CR1L: variants seen among roughly 807,000 people sequenced by gnomAD.
CR1L encodes the protein complement C3b/C4b receptor 1 like.
Under a neutral mutation model 62.3 loss-of-function variants are expected in CR1L, and 59 were observed. The observed-to-expected ratio is 0.95, with a 90% CI of 0.77 to 1.18. The LOEUF (loss-of-function observed/expected upper bound fraction) is 1.18. CR1L is among the 50% of genes most tolerant of loss of function. The probability of loss-of-function intolerance (pLI) is 0.00; values close to 1 mark genes in which losing one functional copy is unlikely to be tolerated. For missense variants in CR1L, 700 were observed against 702.8 expected, an observed-to-expected ratio of 1.00 and a Z score of 0.04; for synonymous variants, 279 against 248.7, an observed-to-expected ratio of 1.12 and a Z score of -1.15.
chr1:207,714,154 G>T (rs751780361), intron 10 of CR1L, among the ~76,000 whole-genome samples: 12 of 152,220 alleles, frequency 7.9e-5, no homozygotes, highest in Non-Finnish European at 1.8e-4. Flanking sequence ...CAGCAGAGAA[G>T]AGACACAAGG....
At chr1:207,681,400 G>A (rs747965375) in intron 3 of CR1L, among the ~76,000 whole-genome samples, 3 of 152,246 alleles carry the variant, frequency 2.0e-5, no homozygotes, top group Non-Finnish European at 4.4e-5. Flanking sequence ...AAATGGATAT[G>A]AGAGTCCCTG....
intron 1 of CR1L, chr1:207,657,549 T>G: frequency 3.8e-6 from 1 of 266,132 alleles, no homozygotes; most frequent in Non-Finnish European, 7.0e-6. Context: ...TGAACTACTG[T>G]GTAATCTGCA....
At chr1:207,702,399 T>C (rs1664207275) in intron 9 of CR1L, among the ~76,000 whole-genome samples, 1 of 152,180 alleles carries the variant, frequency 6.6e-6, no homozygotes, top group South Asian at 2.1e-4. Flanking sequence ...ATGAGGCCAA[T>C]TAATAGCCCT....
At position 207,717,520 on chromosome 1, in the gene CR1L, C is replaced by T. The variant is rs767950965; in HGVS notation, c.1471C>T (p.Leu491Phe). 6.9e-5 allele frequency: 112 copies of T among 1,613,598 alleles called. No individual in the cohort carries two copies. In the African/African-American group the frequency reaches 7.6e-4, roughly 11 times the overall value. ...TAATGGGAGACACACAGGAACTCCC[C>T]TTGGAGATATTCCCTATGGAAAAGA... Reference protein sequence around the residue: ...ILNGRHTGTPLGDIPYGKEVS... With the variant: ...ILNGRHTGTPFGDIPYGKEVS... The change falls in exon 11 of 12, where the codon CTT becomes TTT. Residue 491 changes from leucine to phenylalanine, a missense_variant. Physicochemically the swap from Leu to Phe is conservative, Grantham distance 22 (BLOSUM62 0). Transcript: ENST00000508064.
chr1:207,667,534 G>T (rs1663541528), intron 1 of CR1L, among the ~76,000 whole-genome samples: 2 of 152,180 alleles, frequency 1.3e-5, no homozygotes, highest in South Asian at 4.1e-4. Flanking sequence ...CAACTGCAAA[G>T]TCCTAAACTG....
chr1:207,675,015 G>C (rs1408689424), intron 1 of CR1L, among the ~76,000 whole-genome samples: 1 of 151,884 alleles, frequency 6.6e-6, no homozygotes, highest in East Asian at 1.9e-4. Context: ...TTTTTTTTAA[G>C]TTTTATAAGT....
intron 1 of CR1L, among the ~76,000 whole-genome samples, chr1:207,662,018 G>A (rs945940981): frequency 6.6e-6 from 1 of 152,234 alleles, no homozygotes; most frequent in Non-Finnish European, 1.5e-5. Context: ...GAGATCCGCT[G>A]TTAGTCTGAT....
intron 9 of CR1L, among the ~76,000 whole-genome samples, chr1:207,707,348 C>T (rs997739683): frequency 2.0e-5 from 3 of 152,218 alleles, no homozygotes; most frequent in Non-Finnish European, 2.9e-5. Context: ...TATGACAAGG[C>T]CGAGCACAGT....
intron 1 of CR1L, among the ~76,000 whole-genome samples, chr1:207,659,759 GCTGTGAGTGA>G (rs1056777447): frequency 2.6e-4 from 40 of 152,340 alleles, no homozygotes; most frequent in African/African-American, 9.6e-4. Context: ...GCCAGGGAAA[GCTGTGAGTGA>G]CTGCCTGGAA....
At chr1:207,711,996 A>G (rs1464068617) in intron 10 of CR1L, among the ~76,000 whole-genome samples, 4 of 152,166 alleles carry the variant, frequency 2.6e-5, no homozygotes, top group African/African-American at 9.7e-5. Context: ...CCAGGAGCTC[A>G]TATGTTGCTG....
At chr1:207,698,280 A>C (rs1664137117) in intron 7 of CR1L, among the ~76,000 whole-genome samples, 1 of 152,234 alleles carries the variant, frequency 6.6e-6, no homozygotes, top group Admixed American at 6.5e-5. Context: ...AGGATCATTT[A>C]AGAATCATTT....
chr1:207,680,625 C>T (rs553569941), intron 3 of CR1L, among the ~76,000 whole-genome samples: 15 of 152,142 alleles, frequency 9.9e-5, no homozygotes, highest in Admixed American at 9.2e-4. Context: ...TTAAATCATT[C>T]GAACTTAAAA....
chr1:207,696,225 G>T (rs1451107810), intron 5 of CR1L, among the ~76,000 whole-genome samples: 7 of 152,220 alleles, frequency 4.6e-5, no homozygotes, highest in Non-Finnish European at 1.0e-4. Context: ...CTGCCAGAAT[G>T]CAGCTGATAT....
chr1:207,694,510 C>T lies in CR1L; in HGVS notation c.621C>T (p.Cys207=). The change falls in exon 5 of 12, where the codon TGC becomes TGT. Residue 207 remains cysteine, a synonymous_variant. Coordinates refer to ENST00000508064, the MANE Select transcript of CR1L (RefSeq NM_175710.2). ...TTGTGGGTGAGCCCTCCATATACTG[C>T]ACCAGCAAAGATGATCAAGTGGGCA... The part of the protein sequence containing the change: ...FELVGEPSIY[C]TSKDDQVGIW... The T allele has an allele frequency of 1.9e-6, 3 of 1,613,688 alleles. No individual in the cohort carries two copies. Among genetic ancestry groups the T allele is most frequent in the Non-Finnish European group, 1.7e-6 (2 of 1,179,876 alleles).
intron 1 of CR1L, chr1:207,652,747 A>C (rs983317772): frequency 9.5e-6 from 7 of 736,544 alleles, no homozygotes; most frequent in South Asian, 2.9e-5. Context: ...TAAATAAACT[A>C]GCCTTTTTTT....
intron 3 of CR1L, among the ~76,000 whole-genome samples, chr1:207,680,494 G>A (rs771182384): frequency 2.0e-5 from 3 of 152,016 alleles, no homozygotes; most frequent in Admixed American, 2.0e-4. Context: ...GGATCTTTCT[G>A]TGCTATTCCC....
In CR1L at chr1:207,694,406, A is replaced by C. The variant is rs770789168; in HGVS notation, c.517A>C (p.Ser173Arg). The C allele has an allele frequency of 3.7e-6, 6 of 1,613,878 alleles. No homozygotes were observed. Among genetic ancestry groups the C allele is most frequent in the Non-Finnish European group, 4.2e-6 (5 of 1,179,876 alleles). The part of the protein sequence containing the change: ...TIANGDFTSI[S>R]REYFHYGSVV... ...CGCCAATGGAGATTTCACTAGCATCAGCAGAGAGTATTTTCACTATGGATC... is the reference window on the plus strand; with the variant it reads ...CGCCAATGGAGATTTCACTAGCATCCGCAGAGAGTATTTTCACTATGGATC... Residue 173 changes from serine (S) to arginine (R), a missense_variant, in exon 5 of 12, where the codon AGC becomes CGC. By Grantham distance (110) the Ser-to-Arg change is moderately radical. Coordinates refer to ENST00000508064, the MANE Select transcript of CR1L (RefSeq NM_175710.2).
In CR1L at chr1:207,645,292, T is replaced by C. The variant is rs755475839; in HGVS notation, c.59T>C (p.Leu20Pro). The C allele has an allele frequency of 1.2e-6, 2 of 1,613,848 alleles. No homozygotes were observed. Among genetic ancestry groups the C allele is most frequent in the African/African-American group, 1.3e-5 (1 of 74,920 alleles). The change falls in exon 1 of 12, where the codon CTT (leucine) becomes CCT (proline). Residue 20 changes from leucine (L) to proline (P), a missense_variant. Leu to Pro is a moderately conservative substitution (Grantham distance 98). Coordinates refer to ENST00000508064, the MANE Select transcript of CR1L (RefSeq NM_175710.2). ...PFPSRRFPGL[L>P]LAALVLLLSS... ...CCTTCCCGGCGCTTTCCTGGGTTGC[T>C]TCTGGCGGCCCTGGTGTTGCTGCTG...
chr1:207,672,709 G>C (rs1471724857), intron 1 of CR1L, among the ~76,000 whole-genome samples: 2 of 152,070 alleles, frequency 1.3e-5, no homozygotes, highest in Admixed American at 6.6e-5. Context: ...GTTTAACATA[G>C]GGTAGACTCT....
Sources: allele counts gnomAD v4.1 joint callset (sites outside exome capture counted in the v4.1 genomes callset), GRCh38; gene constraint gnomAD v4.1.1; transcripts MANE v1.5; gene names NCBI Gene and HGNC (gene_info 2026-07-23, HGNC 2026-07-21).